DNAH11: variants seen among roughly 807,000 people sequenced by gnomAD.
DNAH11 encodes the protein axonemal beta dynein heavy chain 11.
DNAH11 carries 442 observed loss-of-function variants against 526.0 expected under a neutral mutation model. That is an observed-to-expected ratio of 0.84 (90% CI 0.78 to 0.91). The LOEUF (loss-of-function observed/expected upper bound fraction) is 0.91, where lower values mean the gene tolerates loss of function less well. Among genes scored for constraint, DNAH11 ranks in the 40% least tolerant of loss-of-function variants. The probability of loss-of-function intolerance (pLI) is 0.00; values close to 1 mark genes in which losing one functional copy is unlikely to be tolerated. For synonymous variants in DNAH11, 2,461 were observed against 1,935.9 expected, an observed-to-expected ratio of 1.27 and a Z score of -7.12; for missense variants, 6,989 against 5,448.7, an observed-to-expected ratio of 1.28 and a Z score of -8.90.
chr7:21,645,173 G>A (rs1159955761), intron 28 of DNAH11, among the ~76,000 whole-genome samples: 1 of 152,204 alleles, frequency 6.6e-6, no homozygotes, highest in African/African-American at 2.4e-5. Flanking sequence ...CTGCCAGCGA[G>A]GAGTTTCTAG....
At chr7:21,670,870 G>A (rs1215019944) in intron 30 of DNAH11, among the ~76,000 whole-genome samples, 1 of 119,352 alleles carries the variant, frequency 8.4e-6, no homozygotes, top group East Asian at 3.4e-4. Context: ...GTGTGTACGT[G>A]TGTGTGTGTG....
chr7:21,893,773 T>C (rs572802187), intron 77 of DNAH11, among the ~76,000 whole-genome samples: 7 of 152,316 alleles, frequency 4.6e-5, no homozygotes, highest in African/African-American at 1.7e-4. Context: ...TTGTTAAAAA[T>C]GTTGATGTAA....
Position 21,617,895 on chromosome 7 carries a change from A to T in DNAH11, c.4254+118A>T, listed in dbSNP as rs186840598. 5.3e-6 allele frequency: 6 copies of T among 1,123,428 alleles called. No homozygotes were observed. In the South Asian group the frequency reaches 1.1e-4, roughly 21 times the overall value. The allele number at this position is 1,123,428 out of a possible 1,614,324, so 69.6% of individuals were successfully genotyped here. ...AAAGACCCCCCTCAGCATAGCCTCTACTTGCTGTGTTATGCCTTTTTGCTG... is the reference window on the plus strand; with the variant it reads ...AAAGACCCCCCTCAGCATAGCCTCTTCTTGCTGTGTTATGCCTTTTTGCTG... On this transcript the variant is annotated intron_variant, in intron 23 of 81. Transcript: ENST00000409508.
intron 35 of DNAH11, among the ~76,000 whole-genome samples, chr7:21,696,409 G>C (rs1207774075): frequency 3.9e-5 from 6 of 152,018 alleles, no homozygotes; most frequent in South Asian, 2.1e-4. Flanking sequence ...TGTATTGAAT[G>C]TTTTTCTTTC....
chr7:21,749,762 G>A lies in DNAH11; in HGVS notation c.8758G>A (p.Glu2920Lys), dbSNP rs755190539. 7 of 1,613,988 alleles carry A rather than the reference G, an allele frequency of 4.3e-6. No homozygotes were observed. The highest frequency in any genetic ancestry group is 5.9e-6 in the Non-Finnish European group (7 of 1,179,872). ...FLLTDAQVLD[E>K]SFLVLINDLL... ...GCTGACAGATGCCCAGGTTCTAGATGAGAGCTTCCTCGTGCTGATTAATGA... is the reference window on the plus strand; with the variant it reads ...GCTGACAGATGCCCAGGTTCTAGATAAGAGCTTCCTCGTGCTGATTAATGA... Residue 2920 changes from glutamate to lysine, a missense_variant, in exon 53 of 82, where the codon GAG becomes AAG. Glu to Lys is a moderately conservative substitution (Grantham distance 56). Transcript: ENST00000409508.
intron 74 of DNAH11, among the ~76,000 whole-genome samples, chr7:21,875,069 A>G (rs1783653507): frequency 1.3e-5 from 2 of 152,244 alleles, no homozygotes. Flanking sequence ...TGAAGAATGC[A>G]GTTAATTACT....
At chr7:21,570,362 C>A in intron 7 of DNAH11, 63 bp downstream of exon 7, 1 of 1,309,812 alleles carries the variant, frequency 7.6e-7, no homozygotes, top group Non-Finnish European at 1.1e-6. Flanking sequence ...AGTAGCTTTT[C>A]ACATGATTCA....
chr7:21,575,995 C>T (rs1354851391), intron 8 of DNAH11, among the ~76,000 whole-genome samples: 2 of 152,144 alleles, frequency 1.3e-5, no homozygotes, highest in Admixed American at 6.5e-5. Flanking sequence ...GAAACTTCTG[C>T]TTCTGGAAAG....
intron 45 of DNAH11, among the ~76,000 whole-genome samples, chr7:21,733,099 A>T (rs966385899): frequency 2.6e-5 from 4 of 152,220 alleles, no homozygotes; most frequent in Admixed American, 6.5e-5. Context: ...AAGAAGAAGC[A>T]GGGAAGGCCA....
At chr7:21,759,364 A>C (rs143807675) in intron 54 of DNAH11, among the ~76,000 whole-genome samples, 55 of 152,334 alleles carry the variant, frequency 3.6e-4, no homozygotes, top group Admixed American at 1.1e-3. Flanking sequence ...AAGGGAAATA[A>C]ATAAGAAAAT....
chr7:21,759,326 G>C (rs1009555361), intron 54 of DNAH11, among the ~76,000 whole-genome samples: 1 of 152,190 alleles, frequency 6.6e-6, no homozygotes, highest in African/African-American at 2.4e-5. Context: ...CAAAGGTTAT[G>C]GGAATGAGTT....
intron 65 of DNAH11, among the ~76,000 whole-genome samples, chr7:21,822,368 G>A (rs535355436): frequency 2.6e-3 from 395 of 152,128 alleles, no homozygotes; most frequent in Non-Finnish European, 3.8e-3. Context: ...CATATTTCAA[G>A]GTAACTCATT....
intron 51 of DNAH11, among the ~76,000 whole-genome samples, chr7:21,747,504 T>C (rs1328595344): frequency 1.3e-5 from 2 of 152,216 alleles, no homozygotes. Flanking sequence ...GTTTTGTTGG[T>C]TTTCTTAATA....
intron 45 of DNAH11, among the ~76,000 whole-genome samples, chr7:21,726,748 C>T (rs905551201): frequency 6.8e-6 from 1 of 147,544 alleles, no homozygotes; most frequent in East Asian, 2.1e-4. Context: ...GTAGTCCCAG[C>T]TACTCGGGAG....
At chr7:21,743,136 G>T (rs558008548) in intron 49 of DNAH11, among the ~76,000 whole-genome samples, 1 of 152,324 alleles carries the variant, frequency 6.6e-6, no homozygotes, top group African/African-American at 2.4e-5. Flanking sequence ...TGTAGGGGCC[G>T]TTCAGGCCAT....
intron 30 of DNAH11, among the ~76,000 whole-genome samples, chr7:21,670,517 T>C (rs1782603115): frequency 6.6e-6 from 1 of 152,168 alleles, no homozygotes; most frequent in South Asian, 2.1e-4. Flanking sequence ...CTTTTTCTTT[T>C]TGTTCTTTAT....
intron 56 of DNAH11, among the ~76,000 whole-genome samples, chr7:21,774,935 C>T (rs1175506507): frequency 6.6e-6 from 1 of 152,182 alleles, no homozygotes; most frequent in African/African-American, 2.4e-5. Context: ...CTCTCATATG[C>T]TTTACAAGGA....
Position 21,637,631 on chromosome 7 carries a change from CA to C in DNAH11, c.4749del (p.Val1584Ter). 1 of 1,588,050 alleles carries C rather than the reference CA, an allele frequency of 6.3e-7. No individual in the cohort carries two copies. On this transcript the variant is annotated frameshift_variant, in exon 27 of 82. Coordinates refer to ENST00000409508, the MANE Select transcript of DNAH11 (RefSeq NM_001277115.2). LOFTEE classifies it high-confidence loss of function. Reference protein sequence around the residue: ...EFKELMFKTAKVENVLEATCR... With the variant: ...EFKELMFKTAXVENVLEATCR... The stretch of plus-strand genomic sequence containing the variant: ...TGCAGGAGTTAATGTTCAAGACAGC[CA>C]AAGTAGAAAATGTGTTAGAAGCAAC...
At chr7:21,820,717 A>G (rs7801909) in intron 65 of DNAH11, among the ~76,000 whole-genome samples, 62,632 of 151,806 alleles carry the variant, frequency 0.41, 13,795 homozygotes, top group East Asian at 0.81. Context: ...ATAATTTCCA[A>G]CCCCTCCTAA....
Sources: gnomAD v4.1 joint callset for allele counts (sites outside exome capture counted in the v4.1 genomes callset) on GRCh38, gnomAD v4.1.1 for gene constraint, MANE v1.5 for transcripts, NCBI Gene and HGNC (gene_info 2026-07-23, HGNC 2026-07-21) for gene names.